Variants in RIC3 observed in about 807,000 individuals in gnomAD.
RIC3 encodes the protein RIC3 acetylcholine receptor chaperone.
In RIC3, 28 loss-of-function variants were observed where a neutral mutation model predicts 27.3. That is an observed-to-expected ratio of 1.02 (90% CI 0.76 to 1.41). The LOEUF (loss-of-function observed/expected upper bound fraction) is 1.41. RIC3 is among the 40% of genes most tolerant of loss of function. RIC3 has a pLI of 0.00. For missense variants in RIC3, 501 were observed against 444.7 expected, an observed-to-expected ratio of 1.13 and a Z score of -1.14; for synonymous variants, 184 against 160.4, an observed-to-expected ratio of 1.15 and a Z score of -1.11.
intron 5 of RIC3, among the ~76,000 whole-genome samples, chr11:8,118,527 TAAAAAAAAA>T (rs11378233): frequency 1.0e-4 from 7 of 66,684 alleles, no homozygotes; most frequent in Admixed American, 1.9e-4. Context: ...GCCATAATTG[TAAAAAAAAA>T]AAAAAAAAAA....
At chr11:8,164,979 G>A (rs1240022810) in intron 1 of RIC3, among the ~76,000 whole-genome samples, 1 of 152,022 alleles carries the variant, frequency 6.6e-6, no homozygotes, top group African/African-American at 2.4e-5. Flanking sequence ...ATTCCTACTA[G>A]GATGGCTATC....
the RIC3 span, among the ~76,000 whole-genome samples, chr11:8,099,126 G>A: frequency 6.6e-6 from 1 of 152,024 alleles, no homozygotes; most frequent in Admixed American, 6.6e-5. Flanking sequence ...CTGCAGTCCA[G>A]GCCAGGAGTC....
chr11:8,137,226 G>T (rs1313231460), intron 4 of RIC3, 152 bp downstream of exon 4: 1 of 622,846 alleles, frequency 1.6e-6, no homozygotes, highest in Non-Finnish European at 2.8e-6. Flanking sequence ...GTTTCATCAT[G>T]TTGGTCAGGA....
intron 1 of RIC3, among the ~76,000 whole-genome samples, chr11:8,152,480 A>G (rs1047201282): frequency 2.6e-5 from 4 of 152,230 alleles, no homozygotes; most frequent in Non-Finnish European, 5.9e-5. Flanking sequence ...ACCACATATT[A>G]TATGGTTCCA....
intron 1 of RIC3, among the ~76,000 whole-genome samples, chr11:8,143,602 C>A (rs916138349): frequency 1.3e-5 from 2 of 152,042 alleles, no homozygotes; most frequent in Non-Finnish European, 2.9e-5. Flanking sequence ...GGCCATACTG[C>A]CCAAGGTAAT....
At chr11:8,166,121 A>G (rs1456817044) in intron 1 of RIC3, among the ~76,000 whole-genome samples, 2 of 152,092 alleles carry the variant, frequency 1.3e-5, no homozygotes, top group Non-Finnish European at 2.9e-5. Flanking sequence ...AATAACACTG[A>G]CCATTGCATA....
At chr11:8,116,270 C>G (rs1282461913) in intron 5 of RIC3, among the ~76,000 whole-genome samples, 1 of 152,136 alleles carries the variant, frequency 6.6e-6, no homozygotes, top group Non-Finnish European at 1.5e-5. Context: ...CTCACATTTA[C>G]AAAAATCAAC....
At position 8,110,234 on chromosome 11, in the gene RIC3, C is replaced by T. The variant is rs1590050231; in HGVS notation, c.*464G>A. 1.2e-5 allele frequency: 3 copies of T among 253,324 alleles called. No homozygotes were observed. The highest frequency in any genetic ancestry group is 1.1e-4 in the South Asian group (2 of 19,032). The allele number at this position is 253,324 out of a possible 1,614,324, so 15.7% of individuals were successfully genotyped here. ...CCCCACAAACAAAATGTTCTCTTCT[C>T]ACCAGGGGACTACTAACCTGCTCAA... is the stretch of plus-strand genomic sequence containing the variant. On this transcript the variant is annotated 3_prime_UTR_variant, in exon 6 of 6. Transcript: ENST00000309737.
chr11:8,163,564 T>C (rs1196035218), intron 1 of RIC3, among the ~76,000 whole-genome samples: 3 of 152,022 alleles, frequency 2.0e-5, no homozygotes. Flanking sequence ...CAAAAACTAA[T>C]TGTCTATACA....
At chr11:8,165,443 TTA>T (rs1255182716) in intron 1 of RIC3, among the ~76,000 whole-genome samples, 1 of 152,028 alleles carries the variant, frequency 6.6e-6, no homozygotes, top group African/African-American at 2.4e-5. Flanking sequence ...AGATCAGATA[TTA>T]TATGATTTCA....
rs1400696420 is a variant in RIC3, at chr11:8,110,172, TAGAC to T, written c.*522_*525del. The T allele has an allele frequency of 5.5e-6, 1 of 182,576 alleles. No homozygotes were observed. Among genetic ancestry groups the T allele is most frequent in the Non-Finnish European group, 1.2e-5 (1 of 86,212 alleles). The allele number at this position is 182,576 out of a possible 1,614,324, so 11.3% of individuals were successfully genotyped here. On this transcript the variant is annotated 3_prime_UTR_variant, in exon 6 of 6. Transcript: ENST00000309737. Reference sequence around the variant, plus strand: ...TCGCTGCGAGGAAGAGGCTTCAGCTTAGACAGCAGAGTCTTACCCTCCTCTGGGC... The same window carrying T: ...TCGCTGCGAGGAAGAGGCTTCAGCTTAGCAGAGTCTTACCCTCCTCTGGGC...
At chr11:8,158,241 AACTT>A (rs762523822) in intron 1 of RIC3, among the ~76,000 whole-genome samples, 1 of 152,212 alleles carries the variant, frequency 6.6e-6, no homozygotes, top group Non-Finnish European at 1.5e-5. Flanking sequence ...AGTGGGACAC[AACTT>A]ACTTAGGGAG....
At chr11:8,168,382 G>A (rs1281430422) in intron 1 of RIC3, among the ~76,000 whole-genome samples, 1 of 152,192 alleles carries the variant, frequency 6.6e-6, no homozygotes, top group East Asian at 1.9e-4. Context: ...GCCTGAAGCA[G>A]TGAGCGCCCA....
At chr11:8,132,174 C>A (rs978577740) in intron 4 of RIC3, among the ~76,000 whole-genome samples, 3 of 152,140 alleles carry the variant, frequency 2.0e-5, no homozygotes, top group African/African-American at 7.2e-5. Flanking sequence ...TACAACTTGG[C>A]ATGCTATTCC....
intron 1 of RIC3, among the ~76,000 whole-genome samples, chr11:8,154,355 C>T (rs1024379003): frequency 5.3e-5 from 8 of 152,128 alleles, no homozygotes; most frequent in Admixed American, 6.5e-5. Flanking sequence ...TATAATATTG[C>T]CTTGAATGTT....
At chr11:8,104,885 T>G (rs1944474010), downstream of RIC3, 1 of 151,020 alleles carries the variant, frequency 6.6e-6, no homozygotes, top group African/African-American at 2.4e-5. Context: ...GGAGCCTGCC[T>G]CCTTCAGTGA....
intron 1 of RIC3, among the ~76,000 whole-genome samples, chr11:8,152,097 G>T (rs994217988): frequency 6.6e-6 from 1 of 152,092 alleles, no homozygotes; most frequent in Non-Finnish European, 1.5e-5. Context: ...AAAGATAATA[G>T]CAAGTGTTTG....
intron 5 of RIC3, among the ~76,000 whole-genome samples, chr11:8,112,541 C>T (rs1375146020): frequency 6.6e-6 from 1 of 152,132 alleles, no homozygotes; most frequent in Non-Finnish European, 1.5e-5. Flanking sequence ...GTGATCCACC[C>T]ACCTCGGTCT....
the RIC3 span, chr11:8,095,433 G>A: frequency 4.3e-5 from 65 of 1,520,134 alleles, no homozygotes; most frequent in East Asian, 7.5e-4. Flanking sequence ...CTTCATGGAC[G>A]TCTGAGAATC....
Sources: gnomAD v4.1 joint callset for allele counts (sites outside exome capture counted in the v4.1 genomes callset) on GRCh38, gnomAD v4.1.1 for gene constraint, MANE v1.5 for transcripts, NCBI Gene and HGNC (gene_info 2026-07-23, HGNC 2026-07-21) for gene names.